The following KDM4D variants were observed in gnomAD, a reference collection of about 807,000 sequenced individuals.
KDM4D encodes lysine demethylase 4D, also known as lysine-specific demethylase 4D.
For synonymous variants in KDM4D, 254 were observed against 249.1 expected (o/e 1.02, Z -0.19); for missense variants, 427 against 674.8 (o/e 0.63, Z 4.07).
At chr11:94,985,251 C>T (rs1555097997) in intron 2 of KDM4D, among the ~76,000 whole-genome samples, 1 of 152,100 alleles carries the variant, frequency 6.6e-6, no homozygotes, top group African/African-American at 2.4e-5. Flanking sequence ...AAAACGAAGT[C>T]CAGCAAGGTT....
At chr11:94,978,247 A>C (rs1555097202) in intron 2 of KDM4D, among the ~76,000 whole-genome samples, 1 of 152,202 alleles carries the variant, frequency 6.6e-6, no homozygotes, top group Non-Finnish European at 1.5e-5. Context: ...TTGGCCCACA[A>C]AATGTGAACA....
At chr11:94,978,747 A>G (rs1010276842) in intron 2 of KDM4D, among the ~76,000 whole-genome samples, 10 of 152,254 alleles carry the variant, frequency 6.6e-5, no homozygotes, top group African/African-American at 2.4e-4. Context: ...AAGACATGCC[A>G]GGCAAATTCT....
At chr11:94,976,913 G>T (rs1470688959) in intron 2 of KDM4D, among the ~76,000 whole-genome samples, 7 of 152,180 alleles carry the variant, frequency 4.6e-5, no homozygotes, top group Middle Eastern at 3.4e-3. Flanking sequence ...AGCTTTAAAA[G>T]AAATACTTTT....
chr11:94,999,467 T>A lies in KDM4D; in HGVS notation c.*523T>A, dbSNP rs1397097316. On this transcript the variant is annotated 3_prime_UTR_variant, in exon 3 of 3. Coordinates refer to ENST00000335080, the MANE Select transcript of KDM4D (RefSeq NM_018039.3). ...TTATTTATGTACTTAAAATATGTTG[T>A]CACAGTATTTGTTCCCAAATATATT... is the stretch of plus-strand genomic sequence containing the variant. 18 of 166,240 alleles carry A rather than the reference T, an allele frequency of 1.1e-4. No homozygotes were observed. The highest frequency in any genetic ancestry group is 4.3e-4 in the African/African-American group (18 of 41,486). 10.3% of individuals were successfully genotyped at this position (166,240 alleles called of 1,614,324 possible). A position where few individuals can be genotyped will look rare whatever the true frequency, so the allele number is the denominator to read the frequency against.
intron 2 of KDM4D, among the ~76,000 whole-genome samples, chr11:94,993,865 A>G (rs1174492167): frequency 6.6e-6 from 1 of 152,002 alleles, no homozygotes; most frequent in Non-Finnish European, 1.5e-5. Context: ...CAAGTTTTCT[A>G]ATAGAAAGAA....
At chr11:94,978,720 G>A (rs587762948) in intron 2 of KDM4D, among the ~76,000 whole-genome samples, 29 of 152,234 alleles carry the variant, frequency 1.9e-4, no homozygotes, top group African/African-American at 5.8e-4. Flanking sequence ...CTAAAATGTA[G>A]AAAATAGAGA....
intron 2 of KDM4D, among the ~76,000 whole-genome samples, chr11:94,994,807 G>A (rs1555099045): frequency 6.6e-6 from 1 of 151,746 alleles, no homozygotes; most frequent in East Asian, 1.9e-4. Flanking sequence ...AGAGAGAGGA[G>A]CCTGAGAGGA....
intron 2 of KDM4D, among the ~76,000 whole-genome samples, chr11:94,985,486 T>C (rs1363438154): frequency 1.3e-5 from 2 of 152,230 alleles, no homozygotes; most frequent in African/African-American, 2.4e-5. Context: ...AACTTAATAT[T>C]ATTAAGATGG....
At chr11:94,983,460 C>G (rs1857858890) in intron 2 of KDM4D, among the ~76,000 whole-genome samples, 1 of 152,006 alleles carries the variant, frequency 6.6e-6, no homozygotes, top group Admixed American at 6.6e-5. Flanking sequence ...ATAAATTTGA[C>G]TACATTTAAT....
In KDM4D at chr11:94,998,687, C is replaced by T; in HGVS notation, c.1315C>T (p.Pro439Ser). 1.2e-6 allele frequency: 2 copies of T among 1,614,232 alleles called. No homozygotes were observed. Among genetic ancestry groups the T allele is most frequent in the Non-Finnish European group, 1.7e-6 (2 of 1,180,040 alleles). ...PSSTPSSTPG[P>S]SAQIIHPSNG... ...CTCAACTCCATCATCCACCCCTGGT[C>T]CATCTGCACAGATTATCCACCCGTC... The change falls in exon 3 of 3, where the codon CCA (proline) becomes TCA (serine). Residue 439 changes from proline to serine, a missense_variant. Pro to Ser is a moderately conservative substitution (Grantham distance 74). Coordinates refer to ENST00000335080, the MANE Select transcript of KDM4D (RefSeq NM_018039.3). The surrounding 1 kb of genome is among the most constrained non-coding windows in gnomAD (Gnocchi z 6.7).
rs587702314 is a variant in KDM4D, at chr11:94,981,817, T to C, written c.-350+6069T>C. Among the ~76,000 whole-genome samples, 3 of 151,844 alleles carry C rather than the reference T, an allele frequency of 2.0e-5. No homozygotes were observed. In the South Asian group the frequency reaches 6.2e-4, roughly 31 times the overall value. ...TGGTTTTGTTCATCATATTTTATATTGGCTTTTTATTTCATCAGTTTCTGG... is the reference window on the plus strand; with the variant it reads ...TGGTTTTGTTCATCATATTTTATATCGGCTTTTTATTTCATCAGTTTCTGG... On this transcript the variant is annotated intron_variant, in intron 2 of 2. Transcript: ENST00000335080.
rs1555099679 is a variant in KDM4D, at chr11:94,998,891, G to A, written c.1519G>A (p.Gly507Arg). The stretch of plus-strand genomic sequence containing the variant: ...GGACAAGCCTGTACCACTGAGCCCA[G>A]GGCTCCAGCATCCTGTCAAGGCTTC... The part of the protein sequence containing the change: ...LMDKPVPLSP[G>R]LQHPVKASGC... Residue 507 changes from glycine (G) to arginine (R), a missense_variant, in exon 3 of 3, where the codon GGG becomes AGG. Transcript: ENST00000335080. The surrounding 1 kb of genome is among the most constrained non-coding windows in gnomAD (Gnocchi z 6.7). 6.6e-7 allele frequency: 1 copy of A among 1,519,044 alleles called. No individual in the cohort carries two copies. The highest frequency in any genetic ancestry group is 1.4e-5 in the African/African-American group (1 of 71,892). The allele number at this position is 1,519,044 out of a possible 1,614,324, so 94.1% of individuals were successfully genotyped here.
Position 94,998,087 on chromosome 11 carries a change from G to A in KDM4D, c.715G>A (p.Gly239Arg), listed in dbSNP as rs1555099469. 3 of 1,613,990 alleles carry A rather than the reference G, an allele frequency of 1.9e-6. No individual in the cohort carries two copies. The Admixed American group carries it at 5.0e-5, about 27-fold the overall frequency. ...ELFPGSSRGC[G>R]AFLRHKVALI... is the part of the protein sequence containing the mutation. The stretch of plus-strand genomic sequence containing the variant: ...CTTCCCAGGCAGTTCCCGGGGTTGT[G>A]GGGCCTTCCTGCGGCACAAGGTGGC... The change falls in exon 3 of 3, where the codon GGG (glycine) becomes AGG (arginine). Residue 239 changes from glycine to arginine, a missense_variant. Coordinates refer to ENST00000335080, the MANE Select transcript of KDM4D (RefSeq NM_018039.3). The surrounding 1 kb of genome is among the most constrained non-coding windows in gnomAD (Gnocchi z 6.7).
At chr11:94,974,291 C>G (rs150285053) in intron 1 of KDM4D, among the ~76,000 whole-genome samples, 1 of 152,030 alleles carries the variant, frequency 6.6e-6, no homozygotes, top group Non-Finnish European at 1.5e-5. Context: ...AGTAGAAAAC[C>G]CGAAAACCAA....
rs1483868402 is a variant in KDM4D at position 94,998,100 on chromosome 11, G to A, written c.728G>A (p.Arg243Gln). The change falls in exon 3 of 3, where the codon CGG (arginine) becomes CAG (glutamine). Residue 243 changes from arginine (R) to glutamine (Q), a missense_variant. Transcript: ENST00000335080. The surrounding 1 kb of genome is among the most constrained non-coding windows in gnomAD (Gnocchi z 6.7). ...GSSRGCGAFLRHKVALISPTV... is the reference protein window; with the variant it reads ...GSSRGCGAFLQHKVALISPTV... ...TCCCGGGGTTGTGGGGCCTTCCTGC[G>A]GCACAAGGTGGCCCTCATCTCGCCT... is the stretch of plus-strand genomic sequence containing the variant. The A allele has an allele frequency of 6.2e-7, 1 of 1,614,090 alleles. No homozygotes were observed. Among genetic ancestry groups the A allele is most frequent in the Non-Finnish European group, 8.5e-7 (1 of 1,180,044 alleles).
At chr11:94,988,961 A>G (rs782461344) in intron 2 of KDM4D, among the ~76,000 whole-genome samples, 23 of 152,314 alleles carry the variant, frequency 1.5e-4, no homozygotes, top group African/African-American at 5.1e-4. Context: ...TCATCAGTCT[A>G]GATTTAAGTA....
rs781925397 is a variant in KDM4D, at chr11:94,998,431, A to G, written c.1059A>G (p.Pro353=). 1 of 1,613,828 alleles carries G rather than the reference A, an allele frequency of 6.2e-7. No individual in the cohort carries two copies. Among genetic ancestry groups the G allele is most frequent in the Admixed American group, 1.7e-5 (1 of 60,030 alleles). The part of the protein sequence containing the change: ...AVVDHMEPRV[P]ASQELSTQKE... ...TGGACCACATGGAGCCCAGGGTACC[A>G]GCCAGCCAAGAGCTGAGCACCCAGA... The change falls in exon 3 of 3, where the codon CCA becomes CCG. Residue 353 remains proline, a synonymous_variant. Coordinates refer to ENST00000335080, the MANE Select transcript of KDM4D (RefSeq NM_018039.3). The surrounding 1 kb of genome is among the most constrained non-coding windows in gnomAD (Gnocchi z 6.7).
Position 94,998,396 on chromosome 11 carries a change from C to T in KDM4D, c.1024C>T (p.Arg342Trp), listed in dbSNP as rs150271801. 21 of 1,614,082 alleles carry T rather than the reference C, an allele frequency of 1.3e-5. No homozygotes were observed. Among genetic ancestry groups the T allele is most frequent in the Middle Eastern group, 1.6e-4 (1 of 6,062 alleles). The change falls in exon 3 of 3, where the codon CGG (arginine) becomes TGG (tryptophan). Residue 342 changes from arginine (R) to tryptophan (W), a missense_variant. Physicochemically the swap from Arg to Trp is moderately radical, Grantham distance 101 (BLOSUM62 -3). Transcript: ENST00000335080. This position sits in a 1 kb window ranked among gnomAD's most constrained non-coding sequence, Gnocchi z 6.7. ...TGACCTGTGGAAACGTGGGCAAGAC[C>T]GGGCAGTTGTGGACCACATGGAGCC... ...RYDLWKRGQD[R>W]AVVDHMEPRV...
intron 2 of KDM4D, among the ~76,000 whole-genome samples, chr11:94,977,398 C>T (rs974900870): frequency 2.0e-5 from 3 of 152,092 alleles, no homozygotes; most frequent in Non-Finnish European, 4.4e-5. Context: ...CCTCTTTGAC[C>T]TCATCACTTG....
Sources: allele counts gnomAD v4.1 joint callset (sites outside exome capture counted in the v4.1 genomes callset), GRCh38; gene constraint gnomAD v4.1.1; non-coding constraint Gnocchi (gnomAD v3.1); transcripts MANE v1.5; gene names NCBI Gene and HGNC (gene_info 2026-07-23, HGNC 2026-07-21).